The following GPI variants were observed in gnomAD, a reference collection of about 807,000 sequenced individuals.
GPI encodes the protein glucose-6-phosphate isomerase, also known as D-hexose-6-phosphate anomerase.
GPI carries 56 observed loss-of-function variants against 75.8 expected under a neutral mutation model. The ratio of observed to expected loss-of-function variants is 0.74; its 90% confidence interval spans 0.60 to 0.92. The LOEUF (loss-of-function observed/expected upper bound fraction) is 0.92. GPI is among the 40% of genes least tolerant of loss of function. GPI has a pLI of 0.00. For synonymous variants in GPI, 288 were observed against 285.4 expected (o/e 1.01, Z -0.09); for missense variants, 638 against 741.0 (o/e 0.86, Z 1.61).
chr19:34,364,838 G>C, upstream of GPI: 1 of 689,168 alleles, frequency 1.5e-6, no homozygotes, highest in African/African-American at 1.8e-5. Flanking sequence ...TAACGTGGAA[G>C]GTGTTCGATC....
At chr19:34,384,012 T>C (rs986733933) in intron 9 of GPI, among the ~76,000 whole-genome samples, 1 of 152,078 alleles carries the variant, frequency 6.6e-6, no homozygotes, top group African/African-American at 2.4e-5. Context: ...TGGCTGGGTT[T>C]CTAGGGGAGG....
chr19:34,383,239 G>A (rs1051351830), intron 9 of GPI, among the ~76,000 whole-genome samples: 1 of 152,210 alleles, frequency 6.6e-6, no homozygotes, highest in Non-Finnish European at 1.5e-5. Context: ...GAGGCCTGAA[G>A]CAGAGCCAGA....
At position 34,396,595 on chromosome 19, in the gene GPI, C is replaced by A; in HGVS notation, c.1207C>A (p.Pro403Thr). The A allele has an allele frequency of 6.2e-7, 1 of 1,614,134 alleles. No homozygotes were observed. The highest frequency in any genetic ancestry group is 8.5e-7 in the Non-Finnish European group (1 of 1,179,956). ...GCCCTTCACAGGCACCAAGATGATA[C>A]CCTGTGACTTCCTCATCCCGGTCCA... is the stretch of plus-strand genomic sequence containing the variant. ...QLIHQGTKMIPCDFLIPVQTQ... is the reference protein window; with the variant it reads ...QLIHQGTKMITCDFLIPVQTQ... The change falls in exon 14 of 18, where the codon CCC (proline) becomes ACC (threonine). Residue 403 changes from proline to threonine, a missense_variant. Transcript: ENST00000356487.
rs556137196 is a variant in GPI at position 34,390,074 on chromosome 19, G to A, written c.805-3174G>A. On this transcript the variant is annotated intron_variant, in intron 9 of 17. Coordinates refer to ENST00000356487, the MANE Select transcript of GPI (RefSeq NM_000175.5). ...CCACTGGGCCTGTCAGTGTCCAGGA[G>A]GTGGGGTGAGGCACAGGTCTAAGGT... is the stretch of plus-strand genomic sequence containing the variant. 7.9e-5 allele frequency among the ~76,000 whole-genome samples: 12 copies of A among 152,292 alleles called. No homozygotes were observed. The South Asian group carries it at 1.7e-3, about 21-fold the overall frequency.
chr19:34,368,790 T>C, intron 4 of GPI, 88 bp downstream of exon 4: 1 of 1,477,322 alleles, frequency 6.8e-7, no homozygotes, highest in South Asian at 1.1e-5. Context: ...CTCTTCCCTC[T>C]TCTTGTAGGC....
At chr19:34,386,898 G>T (rs139385208) in intron 9 of GPI, among the ~76,000 whole-genome samples, 1 of 152,340 alleles carries the variant, frequency 6.6e-6, no homozygotes, top group East Asian at 1.9e-4. Context: ...GCACAGGTAG[G>T]CAGAGATGTT....
rs780544158 is a variant in GPI, at chr19:34,400,011, A to G, written c.1652A>G (p.Gln551Arg). 2 of 1,613,158 alleles carry G rather than the reference A, an allele frequency of 1.2e-6. No individual in the cohort carries two copies. Among genetic ancestry groups the G allele is most frequent in the Non-Finnish European group, 1.7e-6 (2 of 1,180,028 alleles). Residue 551 changes from glutamine to arginine, a missense_variant, in exon 18 of 18, where the codon CAG (glutamine) becomes CGG (arginine). By Grantham distance (43) the Gln-to-Arg change is conservative (BLOSUM62 1). Coordinates refer to ENST00000356487, the MANE Select transcript of GPI (RefSeq NM_000175.5). ...STNGLINFIK[Q>R]QREARVQ The stretch of plus-strand genomic sequence containing the variant: ...AATGGGCTCATCAACTTCATCAAGC[A>G]GCAGCGCGAGGCCAGAGTCCAATAA...
intron 4 of GPI, among the ~76,000 whole-genome samples, chr19:34,371,150 A>G (rs1188005441): frequency 6.6e-6 from 1 of 152,240 alleles, no homozygotes; most frequent in Non-Finnish European, 1.5e-5. Flanking sequence ...TTTCCAGGAA[A>G]GCCTTCCCTT....
intron 9 of GPI, among the ~76,000 whole-genome samples, chr19:34,389,712 A>G (rs1010777462): frequency 1.3e-5 from 2 of 152,190 alleles, no homozygotes; most frequent in African/African-American, 4.8e-5. Flanking sequence ...TCTCTGGGTC[A>G]TGCCTGCTCG....
intron 4 of GPI, among the ~76,000 whole-genome samples, chr19:34,376,797 C>T (rs569864613): frequency 6.6e-6 from 1 of 151,574 alleles, no homozygotes; most frequent in African/African-American, 2.4e-5. Context: ...CCTGTAATTC[C>T]AGCACTTTGG....
chr19:34,360,088 G>C (rs879497569), upstream of GPI, among the ~76,000 whole-genome samples: 1 of 152,172 alleles, frequency 6.6e-6, no homozygotes, highest in African/African-American at 2.4e-5. Flanking sequence ...GCACGTGAAG[G>C]TGTCCGGCTC....
At chr19:34,395,376 C>A (rs1056782411) in intron 12 of GPI, among the ~76,000 whole-genome samples, 2 of 151,876 alleles carry the variant, frequency 1.3e-5, no homozygotes, top group East Asian at 1.9e-4. Flanking sequence ...ACAAAAAAAA[C>A]CCACAAAAAC....
At chr19:34,383,395 G>A (rs1439265679) in intron 9 of GPI, among the ~76,000 whole-genome samples, 2 of 152,188 alleles carry the variant, frequency 1.3e-5, no homozygotes, top group Non-Finnish European at 2.9e-5. Flanking sequence ...TATGTCAGCC[G>A]GGCTCTGTGG....
chr19:34,366,214 G>C (rs2074361835), intron 1 of GPI, 131 bp from the exon 2 acceptor site: 1 of 737,470 alleles, frequency 1.4e-6, no homozygotes, highest in Non-Finnish European at 2.5e-6. Flanking sequence ...CCACCACTGT[G>C]CTGGGTGGCC....
At chr19:34,396,501 TA>T (rs1398583097) in intron 13 of GPI, 71 bp downstream of exon 13, 24 of 1,611,908 alleles carry the variant, frequency 1.5e-5, no homozygotes, top group Non-Finnish European at 2.0e-5. Context: ...ATATCTCACT[TA>T]GGTCAGTGCC....
rs2075027969 is a variant in GPI at position 34,401,916 on chromosome 19, TCTC to T, written c.*1883_*1885del. ...GCTCCACCTCCCGGCTTCACGCCATTCTCCTGCCTCAGCCTCCCGAGTAGCTGG... is the reference window on the plus strand; with the variant it reads ...GCTCCACCTCCCGGCTTCACGCCATTCTGCCTCAGCCTCCCGAGTAGCTGG... On this transcript the variant is annotated 3_prime_UTR_variant, in exon 18 of 18. Coordinates refer to ENST00000356487, the MANE Select transcript of GPI (RefSeq NM_000175.5). The T allele has an allele frequency of 6.6e-6, 1 of 152,038 alleles. No individual in the cohort carries two copies. The highest frequency in any genetic ancestry group is 1.5e-5 in the Non-Finnish European group (1 of 68,016). 9.4% of individuals were successfully genotyped at this position (152,038 alleles called of 1,614,324 possible).
In GPI at chr19:34,377,529, G is replaced by T; in HGVS notation, c.429G>T (p.Gly143=). The change falls in exon 5 of 18, where the codon GGG becomes GGT. Residue 143 remains glycine (G), a synonymous_variant. Transcript: ENST00000356487. ...GTGTCCGGAGCGGTGACTGGAAGGG[G>T]TACACAGGCAAGACCATCACGGACG... The part of the protein sequence containing the change: ...CQRVRSGDWK[G]YTGKTITDVI... The T allele has an allele frequency of 6.2e-7, 1 of 1,612,868 alleles. No individual in the cohort carries two copies. Among genetic ancestry groups the T allele is most frequent in the Non-Finnish European group, 8.5e-7 (1 of 1,179,550 alleles).
chr19:34,370,036 C>A (rs1359010678), intron 4 of GPI, among the ~76,000 whole-genome samples: 1 of 152,270 alleles, frequency 6.6e-6, no homozygotes, highest in Non-Finnish European at 1.5e-5. Flanking sequence ...CACATGCACA[C>A]AGGTTGGTTT....
rs1225600173 is a variant in GPI at position 34,400,613 on chromosome 19, A to C, written c.*577A>C. On this transcript the variant is annotated 3_prime_UTR_variant, in exon 18 of 18. Coordinates refer to ENST00000356487, the MANE Select transcript of GPI (RefSeq NM_000175.5). Reference sequence around the variant, plus strand: ...TACTCTGTTCACTCGATGGTTCTAAAAACTGCATTGAGATTATGTTTGTTT... The same window carrying C: ...TACTCTGTTCACTCGATGGTTCTAACAACTGCATTGAGATTATGTTTGTTT... The C allele has an allele frequency of 2.4e-6, 1 of 412,886 alleles. No individual in the cohort carries two copies. The highest frequency in any genetic ancestry group is 3.4e-5 in the East Asian group (1 of 29,030). 25.6% of individuals were successfully genotyped at this position (412,886 alleles called of 1,614,324 possible). A position where few individuals can be genotyped will look rare whatever the true frequency, so the allele number is the denominator to read the frequency against.
Sources: gnomAD v4.1 joint callset for allele counts (sites outside exome capture counted in the v4.1 genomes callset) on GRCh38, gnomAD v4.1.1 for gene constraint, MANE v1.5 for transcripts, NCBI Gene and HGNC (gene_info 2026-07-23, HGNC 2026-07-21) for gene names.